Variants in FSHR observed in about 807,000 individuals in gnomAD.
The protein encoded by FSHR is follicle stimulating hormone receptor.
FSHR carries 46 observed loss-of-function variants against 52.1 expected under a neutral mutation model. That is an observed-to-expected ratio of 0.88 (90% CI 0.70 to 1.13). The LOEUF (loss-of-function observed/expected upper bound fraction) is 1.13, where lower values mean the gene tolerates loss of function less well. FSHR is among the 50% of genes most tolerant of loss of function. The pLI is 0.00. For synonymous variants in FSHR, 399 were observed against 309.6 expected (o/e 1.29, Z -3.03); for missense variants, 964 against 834.6 (o/e 1.16, Z -1.91).
At chr2:49,007,315 A>G (rs773622442) in intron 4 of FSHR, among the ~76,000 whole-genome samples, 4 of 152,176 alleles carry the variant, frequency 2.6e-5, no homozygotes, top group African/African-American at 7.2e-5. Context: ...CATCTCCTGT[A>G]AAATGGCTGT....
In FSHR at chr2:49,045,893, CACTT is replaced by C. The variant is rs369882647; in HGVS notation, c.224+22322_224+22325del. 6.2e-4 allele frequency among the ~76,000 whole-genome samples: 95 copies of C among 152,314 alleles called. 1 individual carries two copies. In the South Asian group the frequency reaches 7.2e-3, roughly 12 times the overall value. ...TTATTGTTTTCTTCAGACTTGGACA[CACTT>C]ACTATTTTGTACTGACATGACTATA... is the stretch of plus-strand genomic sequence containing the variant. On this transcript the variant is annotated intron_variant, in intron 2 of 9. Coordinates refer to ENST00000406846, the MANE Select transcript of FSHR (RefSeq NM_000145.4).
chr2:48,993,675 C>T (rs1275322325), intron 4 of FSHR, among the ~76,000 whole-genome samples: 2 of 152,158 alleles, frequency 1.3e-5, no homozygotes, highest in Non-Finnish European at 2.9e-5. Context: ...AAAATTTATA[C>T]TTCTTACTGC....
chr2:49,123,001 C>A (rs1558453480), intron 1 of FSHR, among the ~76,000 whole-genome samples: 1 of 152,142 alleles, frequency 6.6e-6, no homozygotes, highest in Admixed American at 6.6e-5. Context: ...TTGCTTTCCT[C>A]CCTCCCTCCT....
chr2:49,060,422 T>A (rs1384892479), intron 2 of FSHR, among the ~76,000 whole-genome samples: 1 of 152,100 alleles, frequency 6.6e-6, no homozygotes, highest in Non-Finnish European at 1.5e-5. Context: ...CTCCAGTGCC[T>A]AAGTTGAAAC....
intron 9 of FSHR, among the ~76,000 whole-genome samples, chr2:48,966,158 A>T (rs1230096854): frequency 6.6e-6 from 1 of 152,192 alleles, no homozygotes; most frequent in Admixed American, 6.5e-5. Context: ...TGAAATAAAG[A>T]TACAGAGTAT....
chr2:48,995,397 A>G (rs911520013), intron 4 of FSHR, among the ~76,000 whole-genome samples: 6 of 152,138 alleles, frequency 3.9e-5, no homozygotes, highest in African/African-American at 1.4e-4. Context: ...AGAGGAAAAA[A>G]GTCAAGTATC....
intron 1 of FSHR, among the ~76,000 whole-genome samples, chr2:49,121,506 G>T (rs540520196): frequency 1.3e-5 from 2 of 149,132 alleles, no homozygotes; most frequent in East Asian, 1.9e-4. Flanking sequence ...GTTGAAAGCA[G>T]TGTGGGAAGT....
rs565587336 is a variant in FSHR at position 49,107,943 on chromosome 2, T to C, written c.153-39653A>G. ...TTACCTGGACACATCAATAGTATGA[T>C]CATGAAGGTTTTCTGTCAACCAAGA... On this transcript the variant is annotated intron_variant, in intron 1 of 9. Coordinates refer to ENST00000406846, the MANE Select transcript of FSHR (RefSeq NM_000145.4). Among the ~76,000 whole-genome samples, 9 of 152,304 alleles carry C rather than the reference T, an allele frequency of 5.9e-5. No individual in the cohort carries two copies. The East Asian group carries it at 1.7e-3, about 29-fold the overall frequency.
At chr2:49,095,211 T>A (rs1670777323) in intron 1 of FSHR, among the ~76,000 whole-genome samples, 1 of 152,136 alleles carries the variant, frequency 6.6e-6, no homozygotes, top group South Asian at 2.1e-4. Flanking sequence ...GGACTCATAC[T>A]TCATGATTTC....
intron 4 of FSHR, chr2:48,997,451 C>G: frequency 1.1e-5 from 10 of 915,204 alleles, no homozygotes; most frequent in Non-Finnish European, 1.2e-5. Flanking sequence ...GACCTAGCAT[C>G]CTAGATTTGC....
chr2:48,964,545 T>C (rs1328677617), intron 9 of FSHR, among the ~76,000 whole-genome samples: 1 of 152,208 alleles, frequency 6.6e-6, no homozygotes, highest in South Asian at 2.1e-4. Context: ...TACCAGGGTC[T>C]TTCCTGTTCT....
Position 48,989,006 on chromosome 2 carries a change from G to T in FSHR, c.495C>A (p.Phe165Leu). 1 of 1,613,878 alleles carries T rather than the reference G, an allele frequency of 6.2e-7. No individual in the cohort carries two copies. The highest frequency in any genetic ancestry group is 8.5e-7 in the Non-Finnish European group (1 of 1,179,848). Residue 165 changes from phenylalanine to leucine, a missense_variant, in exon 6 of 10, where the codon TTC (phenylalanine) becomes TTA (leucine). Coordinates refer to ENST00000406846, the MANE Select transcript of FSHR (RefSeq NM_000145.4). Reference protein sequence around the residue: ...INIHTIERNSFVGLSFESVIL... With the variant: ...INIHTIERNSLVGLSFESVIL... ...TCACACTTTCAAAGCTCAGCCCCACGAAAGAATTTCTTTCAATTGTGTGGA... is the reference window on the plus strand; with the variant it reads ...TCACACTTTCAAAGCTCAGCCCCACTAAAGAATTTCTTTCAATTGTGTGGA...
chr2:49,142,211 G>C (rs1431152742), intron 1 of FSHR, among the ~76,000 whole-genome samples: 1 of 152,142 alleles, frequency 6.6e-6, no homozygotes, highest in Non-Finnish European at 1.5e-5. Flanking sequence ...TCTAGTGGTG[G>C]GGAGGAAAGT....
intron 3 of FSHR, among the ~76,000 whole-genome samples, chr2:49,018,204 T>C (rs1558392769): frequency 6.6e-6 from 1 of 152,212 alleles, no homozygotes; most frequent in East Asian, 1.9e-4. Context: ...TGCAGTAGAC[T>C]GAGGCTGCTC....
intron 1 of FSHR, among the ~76,000 whole-genome samples, chr2:49,111,576 G>T (rs946252346): frequency 6.6e-6 from 1 of 152,106 alleles, no homozygotes; most frequent in African/African-American, 2.4e-5. Flanking sequence ...TTTTCCTGGT[G>T]GCTTTTGTCT....
intron 2 of FSHR, among the ~76,000 whole-genome samples, chr2:49,058,284 C>T (rs371473072): frequency 1.3e-5 from 2 of 152,182 alleles, no homozygotes. Flanking sequence ...TGCAGTGGCT[C>T]ATGCCTGTAA....
intron 2 of FSHR, among the ~76,000 whole-genome samples, chr2:49,020,801 C>T (rs114073498): frequency 0.013 from 1,983 of 152,218 alleles, 52 homozygotes; most frequent in African/African-American, 0.045. Context: ...TTAAAATACA[C>T]ATATGTTTGT....
chr2:49,134,244 A>C (rs547862461), intron 1 of FSHR, among the ~76,000 whole-genome samples: 20 of 152,348 alleles, frequency 1.3e-4, no homozygotes, highest in Admixed American at 2.6e-4. Context: ...CCCATCAAAA[A>C]GTGGGCAAAG....
chr2:49,049,662 T>A (rs536823523), intron 2 of FSHR, among the ~76,000 whole-genome samples: 139 of 152,188 alleles, frequency 9.1e-4, no homozygotes, highest in African/African-American at 3.1e-3. Flanking sequence ...TTTTCTTCGT[T>A]GTAATCCCTT....
Sources: allele counts gnomAD v4.1 joint callset (sites outside exome capture counted in the v4.1 genomes callset), GRCh38; gene constraint gnomAD v4.1.1; transcripts MANE v1.5; gene names NCBI Gene and HGNC (gene_info 2026-07-23, HGNC 2026-07-21).